Variants in POLR2B observed in about 807,000 individuals in gnomAD.
POLR2B encodes RNA polymerase II subunit B.
Under a neutral mutation model 144.6 loss-of-function variants are expected in POLR2B, and 57 were observed. The observed-to-expected ratio is 0.39, with a 90% confidence interval of 0.32 to 0.49. The LOEUF (loss-of-function observed/expected upper bound fraction) is 0.49, where lower values mean the gene tolerates loss of function less well. Among genes scored for constraint, POLR2B ranks in the 20% least tolerant of loss-of-function variants. POLR2B has a pLI of 0.83. For synonymous variants in POLR2B, 442 were observed against 469.8 expected (o/e 0.94, Z 0.77); for missense variants, 595 against 1,467.4 (o/e 0.41, Z 9.71).
intron 14 of POLR2B, among the ~76,000 whole-genome samples, 167 bp downstream of exon 14, chr4:57,015,823 C>G (rs1290310733): frequency 2.0e-5 from 3 of 151,726 alleles, no homozygotes; most frequent in Admixed American, 6.6e-5. Context: ...TGCAGTGATG[C>G]GATCTTGGCT....
At chr4:56,992,184 C>T (rs2109656722) in intron 3 of POLR2B, among the ~76,000 whole-genome samples, 1 of 152,134 alleles carries the variant, frequency 6.6e-6, no homozygotes, top group East Asian at 1.9e-4. Flanking sequence ...TTTGGTGTGG[C>T]CGGTGCGATG....
In POLR2B at chr4:57,009,262, C is replaced by T. The variant is rs1021565234; in HGVS notation, c.1405-1099C>T. 3.3e-5 allele frequency among the ~76,000 whole-genome samples: 5 copies of T among 152,076 alleles called. No homozygotes were observed. The South Asian group carries it at 1.0e-3, about 31-fold the overall frequency. The stretch of plus-strand genomic sequence containing the variant: ...CTTTGTAGAGGTGGTATCATTTCAC[C>T]AGGCAGAGCAGAGTGGAGAAGTGTA... On this transcript the variant is annotated intron_variant, in intron 10 of 24. Transcript: ENST00000314595.
At chr4:57,006,239 T>C (rs1007799103) in intron 9 of POLR2B, among the ~76,000 whole-genome samples, 1 of 152,246 alleles carries the variant, frequency 6.6e-6, no homozygotes, top group African/African-American at 2.4e-5. Context: ...TGTTTTGTTA[T>C]TTAGTATGTT....
chr4:57,009,851 A>G (rs1723136113), intron 10 of POLR2B: 1 of 152,258 alleles, frequency 6.6e-6, no homozygotes, highest in Non-Finnish European at 1.5e-5. Context: ...CCTAAATATT[A>G]TCTTATTTAT....
intron 9 of POLR2B, among the ~76,000 whole-genome samples, chr4:57,005,943 CTGGT>C: frequency 6.6e-6 from 1 of 152,124 alleles, no homozygotes; most frequent in South Asian, 2.1e-4. Flanking sequence ...CTTTATTCCT[CTGGT>C]AGCTTTGTAA....
intron 10 of POLR2B, among the ~76,000 whole-genome samples, chr4:57,007,528 A>G (rs1276531226): frequency 6.6e-6 from 1 of 152,262 alleles, no homozygotes; most frequent in Non-Finnish European, 1.5e-5. Context: ...TTAGAAACTC[A>G]AAGTAATTAA....
intron 13 of POLR2B, 151 bp downstream of exon 13, chr4:57,011,251 CG>C (rs1174366316): frequency 1.6e-6 from 1 of 634,592 alleles, no homozygotes; most frequent in African/African-American, 1.8e-5. Context: ...ATTGCTAGGC[CG>C]GGTGCAGTGG....
chr4:56,988,067 A>C (rs1374160800), intron 2 of POLR2B, among the ~76,000 whole-genome samples: 1 of 151,800 alleles, frequency 6.6e-6, no homozygotes, highest in Non-Finnish European at 1.5e-5. Context: ...CTCTAAAAAT[A>C]AATAATTAAA....
At chr4:57,001,808 G>C (rs969013768) in intron 7 of POLR2B, among the ~76,000 whole-genome samples, 1 of 152,150 alleles carries the variant, frequency 6.6e-6, no homozygotes, top group Non-Finnish European at 1.5e-5. Flanking sequence ...TTCCATTGAT[G>C]CTCCTTATCT....
chr4:57,014,528 A>G (rs1305731576), intron 13 of POLR2B, among the ~76,000 whole-genome samples: 78 of 51,514 alleles, frequency 1.5e-3, no homozygotes, highest in Middle Eastern at 0.023. Context: ...TTTGAGACGG[A>G]GTCTTGCTCT....
chr4:57,023,941 C>T lies in POLR2B; in HGVS notation c.2857-64C>T. On this transcript the variant is annotated intron_variant, in intron 20 of 24. Transcript: ENST00000314595. The surrounding 1 kb of genome is among the most constrained non-coding windows in gnomAD (Gnocchi z 4.3). ...ACATACAGTAATTCAGTTGGGAGAA[C>T]TGAAATGTCAGTTCTAGTTTAGTAT... The T allele has an allele frequency of 2.1e-6, 2 of 951,904 alleles. No individual in the cohort carries two copies. Among genetic ancestry groups the T allele is most frequent in the Non-Finnish European group, 3.2e-6 (2 of 621,462 alleles). The allele number at this position is 951,904 out of a possible 1,614,324, so 59.0% of individuals were successfully genotyped here. A position where few individuals can be genotyped will look rare whatever the true frequency, so the allele number is the denominator to read the frequency against.
chr4:57,009,967 G>A (rs1462389667), intron 10 of POLR2B: 1 of 155,180 alleles, frequency 6.4e-6, no homozygotes, highest in African/African-American at 2.4e-5. Context: ...ATGGATTAGT[G>A]ATGTCTGCTA....
Position 56,995,421 on chromosome 4 carries a change from A to T in POLR2B, c.735+12A>T. The T allele has an allele frequency of 1.3e-6, 2 of 1,570,476 alleles. No homozygotes were observed. The highest frequency in any genetic ancestry group is 8.7e-7 in the Non-Finnish European group (1 of 1,150,946). The stretch of plus-strand genomic sequence containing the variant: ...CAAGAGGAGGACAGGTATGGACTGG[A>T]TATGATGCTATTTGGGTTTATTCCT... On this transcript the variant is annotated intron_variant, in intron 6 of 24. Coordinates refer to ENST00000314595, the MANE Select transcript of POLR2B (RefSeq NM_000938.3).
At chr4:57,007,422 C>CA (rs892066535) in intron 10 of POLR2B, among the ~76,000 whole-genome samples, 2,260 of 141,792 alleles carry the variant, frequency 0.016, 51 homozygotes, top group African/African-American at 0.051. Flanking sequence ...TCTCAAAAAA[C>CA]AAAAAAAAAA....
intron 3 of POLR2B, among the ~76,000 whole-genome samples, chr4:56,992,558 CTAT>C (rs1722551360): frequency 1.8e-5 from 2 of 109,632 alleles, no homozygotes; most frequent in Non-Finnish European, 3.7e-5. Flanking sequence ...TTTGGCTTAT[CTAT>C]TTTTTTTTTT....
Position 57,021,013 on chromosome 4 carries a change from T to G in POLR2B, c.2420+18T>G. Reference sequence around the variant, plus strand: ...TTCTTCAGGTTAGTATTTTGTAAATTTGTCAAAACACAGATACAGTGGAAA... The same window carrying G: ...TTCTTCAGGTTAGTATTTTGTAAATGTGTCAAAACACAGATACAGTGGAAA... On this transcript the variant is annotated intron_variant, in intron 17 of 24. Coordinates refer to ENST00000314595, the MANE Select transcript of POLR2B (RefSeq NM_000938.3). 7.4e-7 allele frequency: 1 copy of G among 1,356,242 alleles called. No homozygotes were observed. The highest frequency in any genetic ancestry group is 1.1e-6 in the Non-Finnish European group (1 of 945,646). The allele number at this position is 1,356,242 out of a possible 1,614,324, so 84.0% of individuals were successfully genotyped here.
intron 1 of POLR2B, among the ~76,000 whole-genome samples, chr4:56,983,651 T>C (rs1722228766): frequency 6.6e-6 from 1 of 152,048 alleles, no homozygotes; most frequent in Non-Finnish European, 1.5e-5. Context: ...ATTACAAGCG[T>C]GAGCCACTGC....
intron 7 of POLR2B, among the ~76,000 whole-genome samples, chr4:57,001,736 T>C (rs1722861212): frequency 6.6e-6 from 1 of 152,198 alleles, no homozygotes; most frequent in South Asian, 2.1e-4. Context: ...GGTTACTATT[T>C]TTGTGGGAAC....
At chr4:57,000,021 A>G (rs1239361205) in intron 7 of POLR2B, among the ~76,000 whole-genome samples, 1 of 152,258 alleles carries the variant, frequency 6.6e-6, no homozygotes, top group East Asian at 1.9e-4. Context: ...AGCAAGAAGA[A>G]ACATTGGTAA....
Sources: gnomAD v4.1 joint callset for allele counts (sites outside exome capture counted in the v4.1 genomes callset) on GRCh38, gnomAD v4.1.1 for gene constraint, Gnocchi (gnomAD v3.1) non-coding constraint, MANE v1.5 for transcripts, NCBI Gene and HGNC (gene_info 2026-07-23, HGNC 2026-07-21) for gene names.